The following NAV1 variants were observed in gnomAD, a reference collection of about 807,000 sequenced individuals.
NAV1 encodes the protein neuron navigator 1, also known as pore membrane and/or filament interacting like protein 3.
NAV1 carries 18 observed loss-of-function variants against 175.2 expected under a neutral mutation model. That is an observed-to-expected ratio of 0.10 (90% CI 0.07 to 0.15). The LOEUF is 0.15. NAV1 is among the 10% of genes least tolerant of loss of function. The pLI is 1.00. For synonymous variants in NAV1, 897 were observed against 978.7 expected (o/e 0.92, Z 1.56); for missense variants, 1,731 against 2,436.6 (o/e 0.71, Z 6.10).
chr1:201,714,723 G>A (rs1161611678), intron 2 of NAV1, among the ~76,000 whole-genome samples: 1 of 152,154 alleles, frequency 6.6e-6, no homozygotes, highest in Non-Finnish European at 1.5e-5. Context: ...ACATCTCTCA[G>A]CACCAAGTCA....
At chr1:201,662,255 A>G (rs1669640807) in intron 1 of NAV1, among the ~76,000 whole-genome samples, 1 of 152,250 alleles carries the variant, frequency 6.6e-6, no homozygotes, top group African/African-American at 2.4e-5. Context: ...CAGGGAACTG[A>G]GCCTAGAACA....
At chr1:201,645,014 C>T (rs184152581), upstream of NAV1, among the ~76,000 whole-genome samples, 65 of 152,210 alleles carry the variant, frequency 4.3e-4, no homozygotes, top group African/African-American at 9.9e-4. Context: ...AATCATGTTT[C>T]GCAGCAGTTC....
chr1:201,579,923 T>A (rs946829350), intron 1 of NAV1, among the ~76,000 whole-genome samples: 1 of 152,186 alleles, frequency 6.6e-6, no homozygotes, highest in African/African-American at 2.4e-5. Context: ...GCCAGTAGCA[T>A]GGCTCAGTCC....
intron 1 of NAV1, among the ~76,000 whole-genome samples, chr1:201,549,717 G>A (rs916085644): frequency 6.7e-6 from 1 of 148,916 alleles, no homozygotes; most frequent in Admixed American, 6.7e-5. Flanking sequence ...ACTGTCTTAA[G>A]ACCTGGGTGC....
intron 3 of NAV1, 69 bp from the exon 8 acceptor site, chr1:201,780,350 CAA>C: frequency 6.3e-7 from 1 of 1,581,122 alleles, no homozygotes; most frequent in African/African-American, 1.3e-5. Flanking sequence ...ATTCTTGCAT[CAA>C]TGTGAAACAT....
chr1:201,612,794 T>A (rs1361085275), intron 2 of NAV1, among the ~76,000 whole-genome samples: 1 of 152,122 alleles, frequency 6.6e-6, no homozygotes, highest in Non-Finnish European at 1.5e-5. Context: ...GTGTATCTTG[T>A]GTCTTGATGT....
chr1:201,756,228 G>A (rs1406171294), intron 3 of NAV1, among the ~76,000 whole-genome samples: 1 of 151,896 alleles, frequency 6.6e-6, no homozygotes, highest in African/African-American at 2.4e-5. Flanking sequence ...CTGAAAATTG[G>A]GGAAAAAAAT....
intron 1 of NAV1, among the ~76,000 whole-genome samples, chr1:201,573,245 C>T (rs984971441): frequency 3.3e-5 from 5 of 152,256 alleles, no homozygotes; most frequent in Non-Finnish European, 7.3e-5. Flanking sequence ...CCACAGGGAG[C>T]TGACCCTGGA....
intron 2 of NAV1, among the ~76,000 whole-genome samples, chr1:201,594,522 C>G (rs1667298003): frequency 6.6e-6 from 1 of 152,202 alleles, no homozygotes; most frequent in African/African-American, 2.4e-5. Context: ...GGCAGAGCTC[C>G]CCATGCAGGC....
In NAV1 at chr1:201,663,689, G is replaced by A. The variant is rs557105220; in HGVS notation, c.757+14264G>A. 3.3e-5 allele frequency among the ~76,000 whole-genome samples: 5 copies of A among 152,074 alleles called. No individual in the cohort carries two copies. The South Asian group carries it at 8.3e-4, about 25-fold the overall frequency. On this transcript the variant is annotated intron_variant, in intron 1 of 29. Transcript: ENST00000367296. ...TCCTGGTTCCTTCTCTTCTCTCATG[G>A]GGGAACAGGTGGATGGGCTTGGTGC...
intron 3 of NAV1, among the ~76,000 whole-genome samples, chr1:201,738,353 C>T (rs1401828266): frequency 1.3e-5 from 2 of 152,084 alleles, no homozygotes; most frequent in African/African-American, 4.8e-5. Flanking sequence ...CTTCCTCCAA[C>T]TTAAACTGTT....
At position 201,788,516 on chromosome 1, in the gene NAV1, T is replaced by A; in HGVS notation, c.3044T>A (p.Ile1015Asn). The change falls in exon 10 of 30, where the codon ATC (isoleucine) becomes AAC (asparagine). Residue 1015 changes from isoleucine (I) to asparagine (N), a missense_variant. This residue lies in a region of NAV1 where 634 missense variants were observed against 766.8 expected (regional missense o/e 0.83). Transcript: ENST00000367296. This position sits in a 1 kb window ranked among gnomAD's most constrained non-coding sequence, Gnocchi z 5.7. The stretch of plus-strand genomic sequence containing the variant: ...CCAAGAATCACCCGCTCCAACAGCA[T>A]CCCCACCCACGAGGCGGCCTTCGAG... The A allele has an allele frequency of 6.2e-7, 1 of 1,614,070 alleles. No individual in the cohort carries two copies. Among genetic ancestry groups the A allele is most frequent in the Non-Finnish European group, 8.5e-7 (1 of 1,180,006 alleles).
chr1:201,778,702 A>C (rs2102699204), intron 3 of NAV1, among the ~76,000 whole-genome samples: 1 of 152,296 alleles, frequency 6.6e-6, no homozygotes, highest in East Asian at 1.9e-4. Flanking sequence ...ATGTATTTGG[A>C]TAAATCACTA....
intron 1 of NAV1, among the ~76,000 whole-genome samples, chr1:201,556,803 C>T (rs753639098): frequency 6.6e-6 from 1 of 152,236 alleles, no homozygotes; most frequent in Non-Finnish European, 1.5e-5. Context: ...GCAAAGAGCA[C>T]CATCCTCCAA....
intron 1 of NAV1, chr1:201,673,486 T>A (rs1192869724): frequency 1.3e-5 from 2 of 152,186 alleles, no homozygotes; most frequent in East Asian, 3.9e-4. Context: ...ACATCTCTCT[T>A]CTCCTTTTCA....
At chr1:201,758,880 A>G (rs1340848397) in intron 3 of NAV1, among the ~76,000 whole-genome samples, 1 of 152,244 alleles carries the variant, frequency 6.6e-6, no homozygotes, top group Non-Finnish European at 1.5e-5. Flanking sequence ...ACAGATCTTG[A>G]TATTACAATG....
At chr1:201,713,943 CTTT>C (rs1558090256) in intron 2 of NAV1, among the ~76,000 whole-genome samples, 1 of 152,146 alleles carries the variant, frequency 6.6e-6, no homozygotes, top group Non-Finnish European at 1.5e-5. Context: ...CATTACCTTT[CTTT>C]TTTTATTTTT....
At chr1:201,567,364 A>T (rs1030999538) in intron 1 of NAV1, among the ~76,000 whole-genome samples, 4 of 152,128 alleles carry the variant, frequency 2.6e-5, no homozygotes, top group Non-Finnish European at 4.4e-5. Context: ...CTGTCAAGTT[A>T]CCGGGGTTGG....
chr1:201,591,197 A>G (rs1401146590), intron 2 of NAV1, among the ~76,000 whole-genome samples: 2 of 152,176 alleles, frequency 1.3e-5, no homozygotes, highest in East Asian at 1.9e-4. Context: ...AAACAACGGT[A>G]TTGGAGTCAA....
Sources: allele counts gnomAD v4.1 joint callset (sites outside exome capture counted in the v4.1 genomes callset), GRCh38; gene constraint gnomAD v4.1.1; regional missense constraint gnomAD v4.1.1; non-coding constraint Gnocchi (gnomAD v3.1); transcripts MANE v1.5; gene names NCBI Gene and HGNC (gene_info 2026-07-23, HGNC 2026-07-21).